PCDH15: variants seen among roughly 807,000 people sequenced by gnomAD.
The protein encoded by PCDH15 is protocadherin related 15.
In PCDH15, 129 loss-of-function variants were observed where a neutral mutation model predicts 178.5. The observed-to-expected ratio is 0.72, with a 90% CI of 0.63 to 0.84. PCDH15 has a LOEUF of 0.84. PCDH15 is among the 40% of genes least tolerant of loss of function. The pLI, the probability that PCDH15 is intolerant of heterozygous loss-of-function variation, is 0.00. For synonymous variants in PCDH15, 800 were observed against 732.0 expected, an observed-to-expected ratio of 1.09 and a Z score of -1.50; for missense variants, 2,230 against 2,099.9, an observed-to-expected ratio of 1.06 and a Z score of -1.21.
chr10:55,108,891 A>C (rs918050413), intron 2 of PCDH15, among the ~76,000 whole-genome samples: 3 of 152,166 alleles, frequency 2.0e-5, no homozygotes, highest in Non-Finnish European at 4.4e-5. Context: ...TATGAAAGAA[A>C]AGAGAACAGA....
intron 3 of PCDH15, among the ~76,000 whole-genome samples, chr10:54,411,169 G>A (rs557728311): frequency 5.3e-5 from 8 of 152,044 alleles, no homozygotes; most frequent in Non-Finnish European, 8.8e-5. Flanking sequence ...TGGGTGGTGG[G>A]ACATTAAGAA....
At chr10:54,437,717 G>A (rs1565275411) in intron 3 of PCDH15, among the ~76,000 whole-genome samples, 1 of 152,056 alleles carries the variant, frequency 6.6e-6, no homozygotes, top group Non-Finnish European at 1.5e-5. Context: ...TAGATTTTTG[G>A]GGAAGTAGGT....
chr10:55,625,775 ACACT>A (rs1837513346), intron 2 of PCDH15, among the ~76,000 whole-genome samples: 1 of 152,118 alleles, frequency 6.6e-6, no homozygotes, highest in Admixed American at 6.5e-5. Context: ...TTCTACACAC[ACACT>A]CTCTCTCATA....
intron 35 of PCDH15, among the ~76,000 whole-genome samples, chr10:53,814,660 G>A (rs988648956): frequency 5.3e-5 from 8 of 151,862 alleles, no homozygotes; most frequent in South Asian, 2.1e-4. Context: ...GCCATCAGTC[G>A]TTAAAAAAAA....
At position 55,290,740 on chromosome 10, in the gene PCDH15, A is replaced by G. The variant is rs1048532417; in HGVS notation, c.-156+28859T>C. Among the ~76,000 whole-genome samples the G allele has an allele frequency of 1.2e-4, 19 of 152,246 alleles. No homozygotes were observed. The East Asian group carries it at 3.1e-3, about 25-fold the overall frequency. On this transcript the variant is annotated intron_variant, in intron 1 of 5. Transcript: ENST00000458638. ...TTATTTTTTAGGTGCCAATACCTCC[A>G]AATAGTGACAGTTACAATAATATAG...
At chr10:54,620,305 T>G (rs1463156555) in intron 2 of PCDH15, among the ~76,000 whole-genome samples, 2 of 152,058 alleles carry the variant, frequency 1.3e-5, no homozygotes, top group African/African-American at 4.8e-5. Flanking sequence ...AATACCAATC[T>G]TATTATTATA....
rs1023540354 is a variant in PCDH15 at position 54,864,583 on chromosome 10, T to G, written c.-29+32867A>C. 3.9e-5 allele frequency: 6 copies of G among 152,250 alleles called. 1 individual carries two copies. The highest frequency in any genetic ancestry group is 8.8e-5 in the Non-Finnish European group (6 of 68,030). The allele number at this position is 152,250 out of a possible 1,614,324, so 9.4% of individuals were successfully genotyped here. On this transcript the variant is annotated intron_variant, in intron 3 of 5. Coordinates refer to the PCDH15 transcript ENST00000458638. ...TTTATTATATAATATTGTCTATGGG[T>G]CAGAAGTCCAATGTTGTGTGAATCT...
Position 54,483,513 on chromosome 10 carries a change from T to G in PCDH15, c.157+44299A>C, listed in dbSNP as rs185362388. On this transcript the variant is annotated intron_variant, in intron 3 of 37. Transcript: ENST00000644397. ...CTAATACTTCTCATTCTCTTGTAATTTCTTTTTTTATTAAATTGAGATTCT... is the reference window on the plus strand; with the variant it reads ...CTAATACTTCTCATTCTCTTGTAATGTCTTTTTTTATTAAATTGAGATTCT... Among the ~76,000 whole-genome samples, 218 of 151,986 alleles carry G rather than the reference T, an allele frequency of 1.4e-3. 1 individual carries two copies. The highest frequency in any genetic ancestry group is 5.1e-3 in the African/African-American group (212 of 41,534).
intron 2 of PCDH15, among the ~76,000 whole-genome samples, chr10:55,142,803 C>T (rs1338892666): frequency 6.6e-6 from 1 of 151,512 alleles, no homozygotes; most frequent in Non-Finnish European, 1.5e-5. Flanking sequence ...GGGTAGCTGT[C>T]ATGCAAAGTC....
At chr10:54,675,932 T>C (rs1384973841) in intron 1 of PCDH15, among the ~76,000 whole-genome samples, 1 of 152,194 alleles carries the variant, frequency 6.6e-6, no homozygotes, top group African/African-American at 2.4e-5. Context: ...TTAAAGCTAA[T>C]TTGTTCTTGT....
chr10:54,214,008 A>G lies in PCDH15; in HGVS notation c.1026T>C (p.Pro342=). The G allele has an allele frequency of 6.2e-7, 1 of 1,611,638 alleles. No homozygotes were observed. The highest frequency in any genetic ancestry group is 8.5e-7 in the Non-Finnish European group (1 of 1,177,986). The change falls in exon 10 of 38, where the codon CCT becomes CCC. Residue 342 remains proline (P), a synonymous_variant. Coordinates refer to ENST00000644397, the MANE Select transcript of PCDH15 (RefSeq NM_001384140.1). The part of the protein sequence containing the change: ...EDYPRFFHMH[P]RTAELSLLEP... ...CCAGGAGACTAAGTTCTGCTGTCCTAGGATGCATATGGAAAAATCGTGGGT... is the reference window on the plus strand; with the variant it reads ...CCAGGAGACTAAGTTCTGCTGTCCTGGGATGCATATGGAAAAATCGTGGGT...
chr10:54,283,521 ACTAG>A (rs1370359058), intron 8 of PCDH15, among the ~76,000 whole-genome samples: 2 of 151,992 alleles, frequency 1.3e-5, no homozygotes, highest in South Asian at 2.1e-4. Context: ...TTCTCTGGGA[ACTAG>A]CTAGCTAGCT....
chr10:55,151,702 C>T (rs954060076), intron 2 of PCDH15, among the ~76,000 whole-genome samples: 3 of 152,048 alleles, frequency 2.0e-5, no homozygotes, highest in South Asian at 2.1e-4. Context: ...TGCAGACTAA[C>T]ATTTCCAGAA....
At chr10:55,035,828 GGCCATAGGGGGTA>G (rs200665744) in intron 2 of PCDH15, among the ~76,000 whole-genome samples, 2,648 of 152,166 alleles carry the variant, frequency 0.017, 75 homozygotes, top group African/African-American at 0.06. Context: ...CTCCACTGAT[GGCCATAGGGGGTA>G]GCCAGAGTGT....
chr10:54,913,935 C>T (rs1954860675), intron 2 of PCDH15, among the ~76,000 whole-genome samples: 1 of 152,310 alleles, frequency 6.6e-6, no homozygotes, highest in Admixed American at 6.5e-5. Context: ...CCCACTGTAT[C>T]TTAGAACTAA....
intron 26 of PCDH15, among the ~76,000 whole-genome samples, chr10:53,880,104 A>T (rs1173747360): frequency 6.6e-6 from 1 of 152,260 alleles, no homozygotes; most frequent in Admixed American, 6.5e-5. Flanking sequence ...GTTCAATATT[A>T]ACTTGTAATT....
At position 54,429,852 on chromosome 10, in the gene PCDH15, C is replaced by T. The variant is rs112474927; in HGVS notation, c.158-50910G>A. 8.2e-3 allele frequency among the ~76,000 whole-genome samples: 1,247 copies of T among 151,968 alleles called. 16 individuals are homozygous for T. The highest frequency in any genetic ancestry group is 0.028 in the African/African-American group (1,154 of 41,458). ...AGATATACCAAGCAAATATTATTAG[C>T]GATAAAGAGAGATATAGACCCCAAT... is the stretch of plus-strand genomic sequence containing the variant. On this transcript the variant is annotated intron_variant, in intron 3 of 37. Coordinates refer to ENST00000644397, the MANE Select transcript of PCDH15 (RefSeq NM_001384140.1).
intron 2 of PCDH15, among the ~76,000 whole-genome samples, chr10:54,983,605 G>A (rs756324931): frequency 2.0e-5 from 3 of 152,060 alleles, no homozygotes; most frequent in Non-Finnish European, 4.4e-5. Flanking sequence ...AAGTTTCTCA[G>A]TAAGAGTCTG....
chr10:54,848,685 A>C (rs545422278), intron 3 of PCDH15, among the ~76,000 whole-genome samples: 2 of 152,176 alleles, frequency 1.3e-5, no homozygotes, highest in Admixed American at 6.6e-5. Flanking sequence ...ACAGACTAGT[A>C]CATTGACCCT....
Sources: gnomAD v4.1 joint callset for allele counts (sites outside exome capture counted in the v4.1 genomes callset) on GRCh38, gnomAD v4.1.1 for gene constraint, MANE v1.5 for transcripts, NCBI Gene and HGNC (gene_info 2026-07-23, HGNC 2026-07-21) for gene names.